Variants in FBXW5 observed in about 807,000 individuals in gnomAD.
FBXW5 encodes the protein F-box and WD repeat domain containing 5.
FBXW5 carries 74 observed loss-of-function variants against 50.9 expected under a neutral mutation model. That is an observed-to-expected ratio of 1.45 (90% CI 1.20 to 1.76). The LOEUF is 1.76. FBXW5 is among the 40% of genes most tolerant of loss of function. The pLI is 0.00. For synonymous variants in FBXW5, 523 were observed against 362.2 expected (o/e 1.44, Z -5.04); for missense variants, 1,073 against 818.8 (o/e 1.31, Z -3.79).
chr9:136,944,674 C>T lies in FBXW5; in HGVS notation c.-104G>A. 3 of 985,924 alleles carry T rather than the reference C, an allele frequency of 3.0e-6. No homozygotes were observed. In the South Asian group the frequency reaches 1.4e-4, roughly 45 times the overall value. 61.1% of individuals were successfully genotyped at this position (985,924 alleles called of 1,614,324 possible). A position where few individuals can be genotyped will look rare whatever the true frequency, so the allele number is the denominator to read the frequency against. On this transcript the variant is annotated 5_prime_UTR_variant, in exon 1 of 9. Transcript: ENST00000325285. ...CCGCTGCCGCAGCCGCTCGGACCGC[C>T]GCCCCCGCCCAACGGGGAGCCCGCC...
rs374722743 is a variant in FBXW5 at position 136,941,501 on chromosome 9, C to T, written c.1244+36G>A. On this transcript the variant is annotated intron_variant, in intron 7 of 8. Transcript: ENST00000325285. ...CACTGTGCTAGGTGTGGGCCGCCTGCGGGCACCCCGCCTGGGACACTGGCA... is the reference window on the plus strand; with the variant it reads ...CACTGTGCTAGGTGTGGGCCGCCTGTGGGCACCCCGCCTGGGACACTGGCA... 5.5e-4 allele frequency: 880 copies of T among 1,605,244 alleles called. 1 individual carries two copies. The highest frequency in any genetic ancestry group is 6.1e-4 in the Non-Finnish European group (722 of 1,178,436).
rs1850717259 is a variant in FBXW5, at chr9:136,940,727, G to A, written c.*201C>T. ...GCCCAGGAGGCCGAGGGGGCCTTGG[G>A]CTCCATCTGCACTGGCCACCCCGTG... On this transcript the variant is annotated 3_prime_UTR_variant, in exon 9 of 9. Coordinates refer to ENST00000325285, the MANE Select transcript of FBXW5 (RefSeq NM_018998.4). 9.5e-6 allele frequency: 8 copies of A among 843,820 alleles called. No homozygotes were observed. The highest frequency in any genetic ancestry group is 3.7e-4 in the Middle Eastern group (1 of 2,732). The allele number at this position is 843,820 out of a possible 1,614,324, so 52.3% of individuals were successfully genotyped here.
Position 136,942,375 on chromosome 9 carries a change from T to C in FBXW5, c.767A>G (p.Asp256Gly), listed in dbSNP as rs536069233. 2 of 1,611,082 alleles carry C rather than the reference T, an allele frequency of 1.2e-6. No individual in the cohort carries two copies. Among genetic ancestry groups the C allele is most frequent in the East Asian group, 4.5e-5 (2 of 44,842 alleles). Residue 256 changes from aspartate (D) to glycine (G), a missense_variant, in exon 6 of 9, where the codon GAC (aspartate) becomes GGC (glycine). Physicochemically the swap from Asp to Gly is moderately conservative, Grantham distance 94. Transcript: ENST00000325285. The part of the protein sequence containing the change: ...ASTVRTVMVA[D>G]CSRFDSPDLL... Reference sequence around the variant, plus strand: ...GTCAGGGCTGTCGAAGCGGCTGCAGTCGGCCACCATCACCGTGCGGACGGT... The same window carrying C: ...GTCAGGGCTGTCGAAGCGGCTGCAGCCGGCCACCATCACCGTGCGGACGGT...
chr9:136,943,005 TACACAGCC>T (rs1371323245), intron 3 of FBXW5, 62 bp from the exon 4 acceptor site: 1 of 1,605,136 alleles, frequency 6.2e-7, no homozygotes, highest in Admixed American at 1.7e-5. Context: ...GGCCTGCTAC[TACACAGCC>T]ATGAGGCCCC....
chr9:136,942,555 C>T lies in FBXW5; in HGVS notation c.667G>A (p.Ala223Thr), dbSNP rs1236653150. Residue 223 changes from alanine to threonine, a missense_variant, in exon 5 of 9, where the codon GCC (alanine) becomes ACC (threonine). Transcript: ENST00000325285. The part of the protein sequence containing the change: ...TSCSVLWLNN[A>T]FQDVESENVN... ...CCTAGCCCCGCACGCACCTGGAAGG[C>T]ATTGTTGAGCCACAGCACCGAGCAG... 6.2e-7 allele frequency: 1 copy of T among 1,611,314 alleles called. No individual in the cohort carries two copies. The highest frequency in any genetic ancestry group is 8.5e-7 in the Non-Finnish European group (1 of 1,178,988).
At position 136,944,626 on chromosome 9, in the gene FBXW5, C is replaced by T; in HGVS notation, c.-56G>A. On this transcript the variant is annotated 5_prime_UTR_variant, in exon 1 of 9. Coordinates refer to ENST00000325285, the MANE Select transcript of FBXW5 (RefSeq NM_018998.4). ...GCCTCCGCCCGCTGCGCCGCCCCCG[C>T]CCTGCGCGACCCGGACCCGCTTCCG... The T allele has an allele frequency of 1.0e-6, 1 of 985,022 alleles. No homozygotes were observed. Among genetic ancestry groups the T allele is most frequent in the Non-Finnish European group, 1.2e-6 (1 of 829,586 alleles). 61.0% of individuals were successfully genotyped at this position (985,022 alleles called of 1,614,324 possible).
chr9:136,941,754 C>T, intron 6 of FBXW5, 70 bp from the exon 7 acceptor site: 1 of 1,442,178 alleles, frequency 6.9e-7, no homozygotes, highest in Non-Finnish European at 9.3e-7. Context: ...CAGCTTCCTA[C>T]CTCAGTGGTG....
intron 6 of FBXW5, 45 bp from the exon 7 acceptor site, chr9:136,941,729 G>A: frequency 6.5e-7 from 1 of 1,529,466 alleles, no homozygotes. Context: ...ATGCCCCAAG[G>A]ACATCACTCC....
chr9:136,942,385 T>G lies in FBXW5; in HGVS notation c.757A>C (p.Met253Leu), dbSNP rs573094125. Residue 253 changes from methionine to leucine, a missense_variant, in exon 6 of 9, where the codon ATG becomes CTG. Transcript: ENST00000325285. The part of the protein sequence containing the change: ...NLNASTVRTV[M>L]VADCSRFDSP... ...TCGAAGCGGCTGCAGTCGGCCACCATCACCGTGCGGACGGTGCTGGCATTG... is the reference window on the plus strand; with the variant it reads ...TCGAAGCGGCTGCAGTCGGCCACCAGCACCGTGCGGACGGTGCTGGCATTG... 2 of 1,611,578 alleles carry G rather than the reference T, an allele frequency of 1.2e-6. No individual in the cohort carries two copies. Among genetic ancestry groups the G allele is most frequent in the African/African-American group, 2.7e-5 (2 of 74,890 alleles).
intron 2 of FBXW5, 66 bp downstream of exon 2, chr9:136,943,825 C>T (rs897998124): frequency 1.3e-6 from 2 of 1,500,660 alleles, no homozygotes; most frequent in South Asian, 1.2e-5. Flanking sequence ...GCCAGGCTGA[C>T]CCCCAAGCGC....
In FBXW5 at chr9:136,944,615, C is replaced by T. The variant is rs867054146; in HGVS notation, c.-45G>A. The stretch of plus-strand genomic sequence containing the variant: ...TCACCACGGCCGCCTCCGCCCGCTG[C>T]GCCGCCCCCGCCCTGCGCGACCCGG... On this transcript the variant is annotated 5_prime_UTR_variant, in exon 1 of 9. Coordinates refer to ENST00000325285, the MANE Select transcript of FBXW5 (RefSeq NM_018998.4). 1 of 984,328 alleles carries T rather than the reference C, an allele frequency of 1.0e-6. No individual in the cohort carries two copies. The highest frequency in any genetic ancestry group is 1.2e-6 in the Non-Finnish European group (1 of 829,138). 61.0% of individuals were successfully genotyped at this position (984,328 alleles called of 1,614,324 possible). A position where few individuals can be genotyped will look rare whatever the true frequency, so the allele number is the denominator to read the frequency against.
In FBXW5 at chr9:136,941,613, C is replaced by T. The variant is rs201938885; in HGVS notation, c.1168G>A (p.Ala390Thr). 6.5e-5 allele frequency: 104 copies of T among 1,591,206 alleles called. No homozygotes were observed. Among genetic ancestry groups the T allele is most frequent in the African/African-American group, 5.5e-4 (41 of 74,504 alleles). ...PVLGEGRGSD[A>T]FFDALDHVID... is the part of the protein sequence containing the mutation. ...ACGTGGTCCAGCGCGTCGAAGAAGG[C>T]ATCGGAGCCCCGGCCCTCACCCAGC... is the stretch of plus-strand genomic sequence containing the variant. The change falls in exon 7 of 9, where the codon GCC becomes ACC. Residue 390 changes from alanine (A) to threonine (T), a missense_variant. Ala to Thr is a moderately conservative substitution (Grantham distance 58). Transcript: ENST00000325285.
chr9:136,940,945 C>A lies in FBXW5; in HGVS notation c.1684G>T (p.Ala562Ser). The A allele has an allele frequency of 6.4e-7, 1 of 1,574,420 alleles. No homozygotes were observed. The highest frequency in any genetic ancestry group is 2.3e-5 in the East Asian group (1 of 42,900). Residue 562 changes from alanine to serine, a missense_variant, in exon 9 of 9, where the codon GCC (alanine) becomes TCC (serine). By Grantham distance (99) the Ala-to-Ser change is moderately conservative. Coordinates refer to ENST00000325285, the MANE Select transcript of FBXW5 (RefSeq NM_018998.4). ...PRPRTFFSWL[A>S]SQRR is the part of the protein sequence containing the mutation. The stretch of plus-strand genomic sequence containing the variant: ...AGCACACCTCAGCGCCTCTGGCTGG[C>A]AAGCCAGGAGAAGAAGGTGCGAGGC...
chr9:136,943,538 G>C (rs2271872), intron 2 of FBXW5, 32 bp from the exon 3 acceptor site: 862,689 of 1,587,418 alleles, frequency 0.54, 238,486 homozygotes, highest in East Asian at 0.83. Context: ...TCCTGGGCCC[G>C]GGCCTTCCTC....
At chr9:136,943,662 TCA>T (rs1202897854) in intron 2 of FBXW5, among the ~76,000 whole-genome samples, 156 bp from the exon 3 acceptor site, 10 of 152,112 alleles carry the variant, frequency 6.6e-5, no homozygotes, top group Middle Eastern at 3.2e-3. Flanking sequence ...ACCCTGTAGC[TCA>T]CAGAGACCCC....
rs1022245227 is a variant in FBXW5 at position 136,942,418 on chromosome 9, G to A, written c.724C>T (p.Gln242Ter). The change falls in exon 6 of 9, where the codon CAG becomes TAG. Residue 242 changes from glutamine to a stop codon, truncating the protein, a stop_gained. Transcript: ENST00000325285. LOFTEE classifies it high-confidence loss of function. ...CGGACGGTGCTGGCATTGAGGTTCTGGATCTTGAACAGCCGCTTCACCACG... is the reference window on the plus strand; with the variant it reads ...CGGACGGTGCTGGCATTGAGGTTCTAGATCTTGAACAGCCGCTTCACCACG... ...VNVVKRLFKI[Q>*]NLNASTVRTV... 6.2e-7 allele frequency: 1 copy of A among 1,606,074 alleles called. No individual in the cohort carries two copies. Among genetic ancestry groups the A allele is most frequent in the Non-Finnish European group, 8.5e-7 (1 of 1,174,876 alleles).
chr9:136,943,129 A>G, intron 3 of FBXW5, 186 bp from the exon 4 acceptor site: 1 of 1,065,904 alleles, frequency 9.4e-7, no homozygotes, highest in Non-Finnish European at 1.4e-6. Flanking sequence ...CTGCCCCTGA[A>G]GCAGGCGGCT....
Position 136,942,659 on chromosome 9 carries a change from G to C in FBXW5, c.563C>G (p.Pro188Arg), listed in dbSNP as rs1394673046. Reference protein sequence around the residue: ...FALLSRVRNKPYDVFGCWLTE... With the variant: ...FALLSRVRNKRYDVFGCWLTE... ...GAGCCAACAGCCAAACACGTCATAGGGCTTGTTCCGCACGCGGGACAGCAG... is the reference window on the plus strand; with the variant it reads ...GAGCCAACAGCCAAACACGTCATAGCGCTTGTTCCGCACGCGGGACAGCAG... The change falls in exon 5 of 9, where the codon CCC becomes CGC. Residue 188 changes from proline to arginine, a missense_variant. Transcript: ENST00000325285. The C allele has an allele frequency of 9.3e-6, 15 of 1,610,306 alleles. No individual in the cohort carries two copies. Among genetic ancestry groups the C allele is most frequent in the Non-Finnish European group, 9.3e-6 (11 of 1,178,934 alleles).
Position 136,941,703 on chromosome 9 carries a change from T to A in FBXW5, c.1097-19A>T, listed in dbSNP as rs1850777756. The A allele has an allele frequency of 6.5e-7, 1 of 1,545,006 alleles. No individual in the cohort carries two copies. The highest frequency in any genetic ancestry group is 8.7e-7 in the Non-Finnish European group (1 of 1,146,088). Reference sequence around the variant, plus strand: ...TTGATGCCTGCAGGGAGGGCTACGGTGAGGGTCCCTGTCCAATGCCCCAAG... The same window carrying A: ...TTGATGCCTGCAGGGAGGGCTACGGAGAGGGTCCCTGTCCAATGCCCCAAG... On this transcript the variant is annotated intron_variant, in intron 6 of 8. Transcript: ENST00000325285.
Sources: gnomAD v4.1 joint callset for allele counts (sites outside exome capture counted in the v4.1 genomes callset) on GRCh38, gnomAD v4.1.1 for gene constraint, MANE v1.5 for transcripts, NCBI Gene and HGNC (gene_info 2026-07-23, HGNC 2026-07-21) for gene names.